The following FNIP1 variants were observed in gnomAD, a reference collection of about 807,000 sequenced individuals.
FNIP1 encodes folliculin interacting protein 1.
In FNIP1, 40 loss-of-function variants were observed where a neutral mutation model predicts 124.5. The ratio of observed to expected loss-of-function variants is 0.32; its 90% CI spans 0.25 to 0.42. FNIP1 has a LOEUF of 0.42. Ranked by LOEUF, FNIP1 falls within the 10% of genes least tolerant of loss-of-function variation. The probability of loss-of-function intolerance (pLI) is 1.00; values close to 1 mark genes in which losing one functional copy is unlikely to be tolerated. For synonymous variants in FNIP1, 472 were observed against 470.6 expected (o/e 1.00, Z -0.04); for missense variants, 1,176 against 1,403.7 (o/e 0.84, Z 2.59).
chr5:131,691,172 A>G (rs573973311), intron 11 of FNIP1, among the ~76,000 whole-genome samples: 1 of 152,320 alleles, frequency 6.6e-6, no homozygotes, highest in Non-Finnish European at 1.5e-5. Flanking sequence ...TCAAATCACA[A>G]ACTAGAAATC....
chr5:131,764,352 G>A (rs1281644430), intron 1 of FNIP1, among the ~76,000 whole-genome samples: 3 of 147,122 alleles, frequency 2.0e-5, no homozygotes, highest in Non-Finnish European at 4.5e-5. Flanking sequence ...TTGTCACCCA[G>A]GCTGGAGTAC....
At chr5:131,696,904 C>G (rs991258485) in intron 11 of FNIP1, among the ~76,000 whole-genome samples, 10 of 151,982 alleles carry the variant, frequency 6.6e-5, no homozygotes, top group African/African-American at 2.4e-4. Flanking sequence ...AATGAGTAGA[C>G]ATTATTCTCT....
intron 3 of FNIP1, among the ~76,000 whole-genome samples, chr5:131,722,331 C>T (rs974739562): frequency 6.6e-6 from 1 of 152,186 alleles, no homozygotes; most frequent in Non-Finnish European, 1.5e-5. Flanking sequence ...TCATGTATGT[C>T]AGCAACGCAA....
intron 10 of FNIP1, 34 bp from the exon 11 acceptor site, chr5:131,699,036 T>C (rs369200562): frequency 1.7e-5 from 26 of 1,554,054 alleles, no homozygotes; most frequent in African/African-American, 6.9e-5. Flanking sequence ...TTAATTCTTA[T>C]GTTAATCATG....
intron 1 of FNIP1, among the ~76,000 whole-genome samples, chr5:131,769,337 T>C (rs1277068020): frequency 6.6e-6 from 1 of 152,242 alleles, no homozygotes; most frequent in Non-Finnish European, 1.5e-5. Flanking sequence ...AATCTTGGCA[T>C]TTAAAATTTT....
At chr5:131,665,735 G>A (rs1767582268) in intron 15 of FNIP1, among the ~76,000 whole-genome samples, 1 of 150,370 alleles carries the variant, frequency 6.7e-6, no homozygotes, top group South Asian at 2.1e-4. Context: ...GATTACAGAT[G>A]CCCACCACCA....
At chr5:131,789,672 G>A (rs1272827814) in intron 1 of FNIP1, among the ~76,000 whole-genome samples, 1 of 152,064 alleles carries the variant, frequency 6.6e-6, no homozygotes, top group African/African-American at 2.4e-5. Context: ...CATTTCACGA[G>A]ACCTGTCAGC....
intron 2 of FNIP1, among the ~76,000 whole-genome samples, chr5:131,733,191 C>T (rs1027105760): frequency 1.3e-5 from 2 of 152,176 alleles, no homozygotes; most frequent in Admixed American, 6.5e-5. Context: ...TATCCTGAGA[C>T]TTTGCTGAAG....
At chr5:131,746,177 C>A (rs1011139820) in intron 1 of FNIP1, among the ~76,000 whole-genome samples, 1 of 152,154 alleles carries the variant, frequency 6.6e-6, no homozygotes, top group African/African-American at 2.4e-5. Context: ...ATCTGGTAAA[C>A]TGAACACAAT....
intron 1 of FNIP1, among the ~76,000 whole-genome samples, chr5:131,776,665 T>C (rs1771816649): frequency 6.6e-6 from 1 of 152,168 alleles, no homozygotes; most frequent in Admixed American, 6.5e-5. Flanking sequence ...CCACATCACA[T>C]ATACTAAAAT....
At chr5:131,656,272 T>C (rs1767190292) in intron 15 of FNIP1, among the ~76,000 whole-genome samples, 1 of 152,230 alleles carries the variant, frequency 6.6e-6, no homozygotes, top group Non-Finnish European at 1.5e-5. Flanking sequence ...TGGCTTGATA[T>C]GGACCATAGA....
Position 131,671,668 on chromosome 5 carries a change from C to A in FNIP1, c.2776G>T (p.Ala926Ser). The A allele has an allele frequency of 5.6e-6, 9 of 1,614,138 alleles. No individual in the cohort carries two copies. Among genetic ancestry groups the A allele is most frequent in the Non-Finnish European group, 7.6e-6 (9 of 1,180,026 alleles). Reference protein sequence around the residue: ...GDKESSDKKIAVGTEWDIPRN... With the variant: ...GDKESSDKKISVGTEWDIPRN... Reference sequence around the variant, plus strand: ...GGAATGTCCCATTCAGTTCCTACAGCAATTTTTTTATCTGAACTCTCTTTA... The same window carrying A: ...GGAATGTCCCATTCAGTTCCTACAGAAATTTTTTTATCTGAACTCTCTTTA... Residue 926 changes from alanine (A) to serine (S), a missense_variant, in exon 14 of 18, where the codon GCT becomes TCT. Around this residue, in one of 2 missense-constraint regions of FNIP1, gnomAD observed 1,109 missense variants for 1,288.5 expected, o/e 0.86. Transcript: ENST00000510461.
chr5:131,658,351 A>C (rs541174118), intron 15 of FNIP1, among the ~76,000 whole-genome samples: 3 of 152,354 alleles, frequency 2.0e-5, no homozygotes, highest in South Asian at 4.1e-4. Context: ...AAGCTAACCC[A>C]AAACCCATTT....
intron 10 of FNIP1, among the ~76,000 whole-genome samples, chr5:131,700,248 C>G (rs1205074984): frequency 1.3e-5 from 2 of 152,092 alleles, no homozygotes; most frequent in African/African-American, 2.4e-5. Context: ...TCCCAAAATG[C>G]TGGGGTTATA....
intron 11 of FNIP1, among the ~76,000 whole-genome samples, chr5:131,698,415 G>A (rs1768779255): frequency 6.6e-6 from 1 of 152,194 alleles, no homozygotes; most frequent in African/African-American, 2.4e-5. Context: ...TACAGCAGTT[G>A]TTGGGGCTTC....
At chr5:131,729,961 G>A (rs1248601210) in intron 3 of FNIP1, among the ~76,000 whole-genome samples, 11 of 151,636 alleles carry the variant, frequency 7.3e-5, no homozygotes, top group South Asian at 2.1e-4. Context: ...GGCTGGTCTC[G>A]AACTCCTGAC....
chr5:131,747,310 TA>T (rs1390005191), intron 1 of FNIP1, among the ~76,000 whole-genome samples: 1 of 152,196 alleles, frequency 6.6e-6, no homozygotes, highest in Non-Finnish European at 1.5e-5. Context: ...ACCGGCAACA[TA>T]AAACATCTTC....
In FNIP1 at chr5:131,683,548, G is replaced by A. The variant is rs369050668; in HGVS notation, c.1203-4373C>T. 1.6e-4 allele frequency among the ~76,000 whole-genome samples: 18 copies of A among 111,244 alleles called. No individual in the cohort carries two copies. In the South Asian group the frequency reaches 3.0e-3, roughly 18 times the overall value. 73.0% of individuals were successfully genotyped at this position (111,244 alleles called of 152,430 possible). On this transcript the variant is annotated intron_variant, in intron 11 of 17. Transcript: ENST00000510461. ...AGCCTGGGTGACAGAGCAAGACTCC[G>A]TCTCAAAAAAAAAAAAAAAAAAAAC...
chr5:131,720,119 T>A (rs529569125), intron 3 of FNIP1, among the ~76,000 whole-genome samples: 1 of 152,198 alleles, frequency 6.6e-6, no homozygotes, highest in African/African-American at 2.4e-5. Flanking sequence ...GCTACAGTAG[T>A]GAAAACAGTA....
Sources: gnomAD v4.1 joint callset for allele counts (sites outside exome capture counted in the v4.1 genomes callset) on GRCh38, gnomAD v4.1.1 for gene constraint, gnomAD v4.1.1 regional missense constraint, MANE v1.5 for transcripts, NCBI Gene and HGNC (gene_info 2026-07-23, HGNC 2026-07-21) for gene names.